Variants in TSPYL2 observed in about 807,000 individuals in gnomAD.
The protein encoded by TSPYL2 is TSPY like 2, also known as testis-specific Y-encoded-like protein 2.
A neutral mutation model predicts 33.0 loss-of-function variants in TSPYL2; 9 were observed. The ratio of observed to expected loss-of-function variants is 0.27; its 90% confidence interval spans 0.16 to 0.48. The LOEUF (loss-of-function observed/expected upper bound fraction) is 0.48. Among genes scored for constraint, TSPYL2 ranks in the 20% least tolerant of loss-of-function variants. The probability of loss-of-function intolerance (pLI) is 0.99; values close to 1 mark genes in which losing one functional copy is unlikely to be tolerated. For synonymous variants in TSPYL2, 330 were observed against 233.6 expected (o/e 1.41, Z -3.77); for missense variants, 636 against 586.2 (o/e 1.08, Z -0.88).
At chrX:53,084,897 T>C (rs1459990293) in intron 3 of TSPYL2, 31 bp downstream of exon 3, 2 of 1,206,078 alleles carry the variant, frequency 1.7e-6, no homozygotes, top group Admixed American at 4.4e-5. Flanking sequence ...AAATCCATGT[T>C]CCCCCCCTCA....
intron 6 of TSPYL2, 97 bp from the exon 7 acceptor site, chrX:53,087,679 A>C: frequency 1.0e-6 from 1 of 977,880 alleles, no homozygotes; most frequent in Non-Finnish European, 1.4e-6. Flanking sequence ...GCCGCTAAAA[A>C]CCCTGGCTAT....
At position 53,086,259 on chromosome X, in the gene TSPYL2, G is replaced by A. The variant is rs782382894; in HGVS notation, c.1867G>A (p.Val623Met). The change falls in exon 6 of 7, where the codon GTG becomes ATG. Residue 623 changes from valine (V) to methionine (M), a missense_variant. By Grantham distance (21) the Val-to-Met change is conservative. Transcript: ENST00000375442. ...FDKDQADYED[V>M]IEIISDESVE... ...CAAGGATCAGGCTGACTACGAGGAC[G>A]TGATAGAGATCATCTCAGACGAATC... The A allele has an allele frequency of 7.0e-5, 85 of 1,209,659 alleles. No homozygotes were observed. Among genetic ancestry groups the A allele is most frequent in the Non-Finnish European group, 8.7e-5 (78 of 895,168 alleles).
chrX:53,082,591 G>A lies in TSPYL2; in HGVS notation c.93G>A (p.Pro31=). Residue 31 remains proline (P), a synonymous_variant, in exon 1 of 7, where the codon CCG becomes CCA. Transcript: ENST00000375442. ...PQRDPPPPPP[P]PPLLRLPLPP... is the part of the protein sequence containing the mutation. Reference sequence around the variant, plus strand: ...GCGACCCGCCCCCGCCGCCGCCGCCGCCGCCGCTCCTCCGACTGCCGCTGC... The same window carrying A: ...GCGACCCGCCCCCGCCGCCGCCGCCACCGCCGCTCCTCCGACTGCCGCTGC... 1 of 1,151,427 alleles carries A rather than the reference G, an allele frequency of 8.7e-7. No homozygotes were observed. The allele number at this position is 1,151,427 out of a possible 1,213,427, so 94.9% of individuals were successfully genotyped here. A position where few individuals can be genotyped will look rare whatever the true frequency, so the allele number is the denominator to read the frequency against.
chrX:53,084,416 T>C (rs1932707324), intron 1 of TSPYL2, 129 bp from the exon 2 acceptor site: 3 of 573,538 alleles, frequency 5.2e-6, no homozygotes, highest in Admixed American at 6.9e-5. Context: ...ACTCACTTGC[T>C]TTATACACAC....
At position 53,087,827 on chromosome X, in the gene TSPYL2, G is replaced by C; in HGVS notation, c.1970G>C (p.Gly657Ala). The change falls in exon 7 of 7, where the codon GGA (glycine) becomes GCA (alanine). Residue 657 changes from glycine to alanine, a missense_variant. By Grantham distance (60) the Gly-to-Ala change is moderately conservative. Coordinates refer to ENST00000375442, the MANE Select transcript of TSPYL2 (RefSeq NM_022117.4). ...GAGGAAGGAAACTATGAGGAGGAAG[G>C]AAGTGAAGATGTCTGGGAAGAAGGG... ...IYEEGNYEEE[G>A]SEDVWEEGED... 1 of 1,211,850 alleles carries C rather than the reference G, an allele frequency of 8.3e-7. No homozygotes were observed. Among genetic ancestry groups the C allele is most frequent in the South Asian group, 1.8e-5 (1 of 57,026 alleles).
At chrX:53,085,538 A>G in intron 5 of TSPYL2, 93 bp from the exon 6 acceptor site, 1 of 959,734 alleles carries the variant, frequency 1.0e-6, no homozygotes, top group Non-Finnish European at 1.5e-6. Flanking sequence ...GATCCCTTAT[A>G]GCCTACTGCT....
At chrX:53,086,510 T>G in intron 6 of TSPYL2, 200 bp downstream of exon 6, 1 of 453,379 alleles carries the variant, frequency 2.2e-6, no homozygotes, top group Non-Finnish European at 3.9e-6. Context: ...ATCATTTTAG[T>G]TCTAGGTGAT....
Position 53,088,130 on chromosome X carries a change from C to T in TSPYL2, c.*191C>T, listed in dbSNP as rs1932792857. 3 of 440,130 alleles carry T rather than the reference C, an allele frequency of 6.8e-6. No homozygotes were observed. In the Admixed American group the frequency reaches 1.2e-4, roughly 18 times the overall value. The allele number at this position is 440,130 out of a possible 1,213,427, so 36.3% of individuals were successfully genotyped here. A position where few individuals can be genotyped will look rare whatever the true frequency, so the allele number is the denominator to read the frequency against. ...TTATTTTGGGGGGAGGGAAAGGGGG[C>T]TAGTCCCCTTCTTTTGGCCCTCCGC... On this transcript the variant is annotated 3_prime_UTR_variant, in exon 7 of 7. Transcript: ENST00000375442.
At position 53,087,901 on chromosome X, in the gene TSPYL2, G is replaced by A. The variant is rs934271226; in HGVS notation, c.2044G>A (p.Gly682Ser). 3.3e-6 allele frequency: 4 copies of A among 1,211,832 alleles called. No individual in the cohort carries two copies. The highest frequency in any genetic ancestry group is 4.5e-6 in the Non-Finnish European group (4 of 895,536). Residue 682 changes from glycine (G) to serine (S), a missense_variant, in exon 7 of 7, where the codon GGT (glycine) becomes AGT (serine). By Grantham distance (56) the Gly-to-Ser change is moderately conservative. Transcript: ENST00000375442. ...DLEDVLQVPNGWANPGKRGKT... is the reference protein window; with the variant it reads ...DLEDVLQVPNSWANPGKRGKT... ...AGAGGATGTGCTTCAGGTCCCAAAC[G>A]GTTGGGCCAATCCGGGGAAGAGGGG...
At chrX:53,087,294 A>T (rs1244080782) in intron 6 of TSPYL2, 2 of 96,500 alleles carry the variant, frequency 2.1e-5, no homozygotes, top group African/African-American at 1.1e-4. Context: ...CTCCCACCTG[A>T]TGGCATCTCT....
In TSPYL2 at chrX:53,085,858, A is replaced by G. The variant is rs201683434; in HGVS notation, c.1466A>G (p.Asn489Ser). The G allele has an allele frequency of 1.8e-5, 22 of 1,209,719 alleles. No homozygotes were observed. In the Admixed American group the frequency reaches 2.0e-4, roughly 11 times the overall value. ...AATCCTGACCACAATGAGGTCCCCA[A>G]CAACGAGACCACTGATAACAACGAG... ...SENPDHNEVP[N>S]NETTDNNESA... The change falls in exon 6 of 7, where the codon AAC becomes AGC. Residue 489 changes from asparagine (N) to serine (S), a missense_variant. Asn to Ser is a conservative substitution (Grantham distance 46, BLOSUM62 1). This residue lies in a region of TSPYL2 where 401 missense variants were observed against 363.0 expected (regional missense o/e 1.10). Coordinates refer to ENST00000375442, the MANE Select transcript of TSPYL2 (RefSeq NM_022117.4).
At position 53,082,698 on chromosome X, in the gene TSPYL2, G is replaced by T; in HGVS notation, c.200G>T (p.Gly67Val). The T allele has an allele frequency of 8.8e-7, 1 of 1,140,570 alleles. No homozygotes were observed. The highest frequency in any genetic ancestry group is 1.8e-5 in the African/African-American group (1 of 55,202). The allele number at this position is 1,140,570 out of a possible 1,213,427, so 94.0% of individuals were successfully genotyped here. Residue 67 changes from glycine (G) to valine (V), a missense_variant, in exon 1 of 7, where the codon GGC becomes GTC. Physicochemically the swap from Gly to Val is moderately radical, Grantham distance 109. Transcript: ENST00000375442. Reference sequence around the variant, plus strand: ...GCCGATATGAGGGGGGTGGGACTGGGCCCCGCGCTGCCCCCGCCGCCTCCC... The same window carrying T: ...GCCGATATGAGGGGGGTGGGACTGGTCCCCGCGCTGCCCCCGCCGCCTCCC... ...VLADMRGVGL[G>V]PALPPPPPYV...
rs1556808320 is a variant in TSPYL2, at chrX:53,085,662, A to G, written c.1270A>G (p.Met424Val). 1 of 1,210,320 alleles carries G rather than the reference A, an allele frequency of 8.3e-7. No homozygotes were observed. Among genetic ancestry groups the G allele is most frequent in the African/African-American group, 1.7e-5 (1 of 57,157 alleles). The change falls in exon 6 of 7, where the codon ATG becomes GTG. Residue 424 changes from methionine to valine, a missense_variant. This residue lies in a region of TSPYL2 where 401 missense variants were observed against 363.0 expected (regional missense o/e 1.10). Transcript: ENST00000375442. ...CAGGGGCAGATGTGAGGTGGTGATC[A>G]TGGAAGACGCCCCTGACTATTATGC... ...KTRGRCEVVI[M>V]EDAPDYYAVE...
At position 53,085,823 on chromosome X, in the gene TSPYL2, C is replaced by T. The variant is rs782404588; in HGVS notation, c.1431C>T (p.Cys477=). Reference sequence around the variant, plus strand: ...TAACTGACATCAATGAGAACATCTGCGACAGCGAGAATCCTGACCACAATG... The same window carrying T: ...TAACTGACATCAATGAGAACATCTGTGACAGCGAGAATCCTGACCACAATG... ...NEITDINENI[C]DSENPDHNEV... Residue 477 remains cysteine, a synonymous_variant, in exon 6 of 7, where the codon TGC becomes TGT. Coordinates refer to ENST00000375442, the MANE Select transcript of TSPYL2 (RefSeq NM_022117.4). 8.7e-5 allele frequency: 105 copies of T among 1,209,589 alleles called. No homozygotes were observed. The highest frequency in any genetic ancestry group is 1.1e-4 in the Non-Finnish European group (96 of 895,155).
At chrX:53,084,490 C>T (rs782686806) in intron 1 of TSPYL2, 55 bp from the exon 2 acceptor site, 3 of 1,054,024 alleles carry the variant, frequency 2.8e-6, no homozygotes, top group Non-Finnish European at 3.8e-6. Context: ...CTGGCCTTCC[C>T]TCCCTCCCTT....
chrX:53,088,004 C>T lies in TSPYL2; in HGVS notation c.*65C>T, dbSNP rs1011337597. ...ACCCACTATCCCATTTGCCCTCCTC[C>T]TCAGCTAGGGCCACGCGGCCCCACA... On this transcript the variant is annotated 3_prime_UTR_variant, in exon 7 of 7. Coordinates refer to ENST00000375442, the MANE Select transcript of TSPYL2 (RefSeq NM_022117.4). The T allele has an allele frequency of 9.1e-7, 1 of 1,098,359 alleles. No homozygotes were observed. The highest frequency in any genetic ancestry group is 2.4e-5 in the Admixed American group (1 of 42,534). The allele number at this position is 1,098,359 out of a possible 1,213,427, so 90.5% of individuals were successfully genotyped here.
chrX:53,082,778 T>G lies in TSPYL2; in HGVS notation c.280T>G (p.Cys94Gly), dbSNP rs782596856. The change falls in exon 1 of 7, where the codon TGT becomes GGT. Residue 94 changes from cysteine (C) to glycine (G), a missense_variant. Cys to Gly is a radical substitution (Grantham distance 159). Around this residue, in one of 3 missense-constraint regions of TSPYL2, gnomAD observed 231 missense variants for 201.6 expected, o/e 1.15. Coordinates refer to ENST00000375442, the MANE Select transcript of TSPYL2 (RefSeq NM_022117.4). ...CGCATACTTCACGCTCGGTGCTGAG[T>G]GTCCCGGCTGGGATTCTACCATCGA... ...IRAYFTLGAECPGWDSTIESG... is the reference protein window; with the variant it reads ...IRAYFTLGAEGPGWDSTIESG... 8.4e-7 allele frequency: 1 copy of G among 1,194,947 alleles called. No homozygotes were observed. The highest frequency in any genetic ancestry group is 1.8e-5 in the African/African-American group (1 of 56,874).
In TSPYL2 at chrX:53,085,832, G is replaced by A; in HGVS notation, c.1440G>A (p.Glu480=). 8.3e-7 allele frequency: 1 copy of A among 1,211,679 alleles called. No homozygotes were observed. The highest frequency in any genetic ancestry group is 1.1e-6 in the Non-Finnish European group (1 of 895,526). The change falls in exon 6 of 7, where the codon GAG becomes GAA. Residue 480 remains glutamate (E), a synonymous_variant. Transcript: ENST00000375442. ...TCAATGAGAACATCTGCGACAGCGA[G>A]AATCCTGACCACAATGAGGTCCCCA... ...TDINENICDS[E]NPDHNEVPNN...
chrX:53,087,891 G>C lies in TSPYL2; in HGVS notation c.2034G>C (p.Gln678His). The C allele has an allele frequency of 2.5e-6, 3 of 1,211,758 alleles. No individual in the cohort carries two copies. Among genetic ancestry groups the C allele is most frequent in the Non-Finnish European group, 3.4e-6 (3 of 895,490 alleles). The change falls in exon 7 of 7, where the codon CAG becomes CAC. Residue 678 changes from glutamine to histidine, a missense_variant. By Grantham distance (24) the Gln-to-His change is conservative. This residue lies in a region of TSPYL2 where 401 missense variants were observed against 363.0 expected (regional missense o/e 1.10). Coordinates refer to ENST00000375442, the MANE Select transcript of TSPYL2 (RefSeq NM_022117.4). ...SDDSDLEDVLQVPNGWANPGK... is the reference protein window; with the variant it reads ...SDDSDLEDVLHVPNGWANPGK... The stretch of plus-strand genomic sequence containing the variant: ...ACTCTGACCTAGAGGATGTGCTTCA[G>C]GTCCCAAACGGTTGGGCCAATCCGG...
Sources: gnomAD v4.1 joint callset for allele counts on GRCh38, gnomAD v4.1.1 for gene constraint, gnomAD v4.1.1 regional missense constraint, MANE v1.5 for transcripts, NCBI Gene and HGNC (gene_info 2026-07-23, HGNC 2026-07-21) for gene names.